Variants in LITAF observed in about 807,000 individuals in gnomAD.
The protein encoded by LITAF is lipopolysaccharide-induced tumor necrosis factor-alpha factor.
Under a neutral mutation model 14.5 loss-of-function variants are expected in LITAF, and 9 were observed. The observed-to-expected ratio is 0.62, with a 90% confidence interval of 0.37 to 1.08. LITAF has a LOEUF of 1.08. Among genes scored for constraint, LITAF ranks in the 50% least tolerant of loss-of-function variants. LITAF has a pLI of 0.01. For synonymous variants in LITAF, 98 were observed against 88.2 expected, an observed-to-expected ratio of 1.11 and a Z score of -0.62; for missense variants, 206 against 213.4, an observed-to-expected ratio of 0.97 and a Z score of 0.22.
chr16:11,560,272 G>T (rs2064340899), intron 1 of LITAF, among the ~76,000 whole-genome samples: 1 of 152,034 alleles, frequency 6.6e-6, no homozygotes. Flanking sequence ...ACTCTAGCCT[G>T]GGCAACAGAG....
rs139959574 is a variant in LITAF at position 11,605,134 on chromosome 16, C to CCTCTCT, written c.85+28393_85+28398dup. On this transcript the variant is annotated intron_variant, in intron 3 of 3. Coordinates refer to the LITAF transcript ENST00000574848. The surrounding 1 kb of genome is among the most constrained non-coding windows in gnomAD (Gnocchi z 4.7). The stretch of plus-strand genomic sequence containing the variant: ...TCCCAGGAACAGGAATGTGTCCTTT[C>CCTCTCT]CTCTCTCTCTCTCTCTCTCCACTGT... Among the ~76,000 whole-genome samples the CCTCTCT allele has an allele frequency of 2.7e-5, 4 of 150,074 alleles. No individual in the cohort carries two copies. The highest frequency in any genetic ancestry group is 4.9e-5 in the African/African-American group (2 of 40,974).
At chr16:11,568,066 T>C (rs1429552062) in intron 1 of LITAF, among the ~76,000 whole-genome samples, 1 of 151,926 alleles carries the variant, frequency 6.6e-6, no homozygotes, top group African/African-American at 2.4e-5. Flanking sequence ...GGCGGGAGGA[T>C]GGCATGAGCC....
At chr16:11,603,560 T>G (rs537319700) in intron 3 of LITAF, among the ~76,000 whole-genome samples, 2 of 152,356 alleles carry the variant, frequency 1.3e-5, no homozygotes, top group South Asian at 2.1e-4. Context: ...TGGGAATGGC[T>G]GGAAACGCCC....
At chr16:11,630,719 C>T (rs1030661606) in intron 3 of LITAF, among the ~76,000 whole-genome samples, 1 of 151,918 alleles carries the variant, frequency 6.6e-6, no homozygotes, top group African/African-American at 2.4e-5. Flanking sequence ...GCTGGGACTA[C>T]AGGCACCCAC....
chr16:11,555,844 C>G (rs78697788), intron 2 of LITAF, among the ~76,000 whole-genome samples: 2,106 of 152,224 alleles, frequency 0.014, 48 homozygotes, highest in African/African-American at 0.047. Context: ...TAACAACTCA[C>G]TGATATTTAT....
At position 11,632,902 on chromosome 16, in the gene LITAF, G is replaced by A. The variant is rs1217554141; in HGVS notation, c.85+631C>T. ...ACCCCACTCTGAGCCTCCTAGTGAAGGAAACAAAGGCCAGCTCTGAGGCCC... is the reference window on the plus strand; with the variant it reads ...ACCCCACTCTGAGCCTCCTAGTGAAAGAAACAAAGGCCAGCTCTGAGGCCC... On this transcript the variant is annotated intron_variant, in intron 3 of 3. Coordinates refer to the LITAF transcript ENST00000574848. This position sits in a 1 kb window ranked among gnomAD's most constrained non-coding sequence, Gnocchi z 4.8. Among the ~76,000 whole-genome samples the A allele has an allele frequency of 6.6e-6, 1 of 152,168 alleles. No homozygotes were observed. Among genetic ancestry groups the A allele is most frequent in the Non-Finnish European group, 1.5e-5 (1 of 68,026 alleles).
intron 1 of LITAF, among the ~76,000 whole-genome samples, chr16:11,559,247 C>T (rs185360482): frequency 6.6e-6 from 1 of 152,160 alleles, no homozygotes; most frequent in East Asian, 1.9e-4. Context: ...CAGAGCGACA[C>T]TCTATGTCTA....
intron 1 of LITAF, among the ~76,000 whole-genome samples, chr16:11,557,089 GT>G (rs1196548570): frequency 6.1e-5 from 3 of 49,426 alleles, no homozygotes; most frequent in Admixed American, 4.3e-4. Flanking sequence ...TTTTTTTGTG[GT>G]TTTTTTGGTT....
At position 11,605,709 on chromosome 16, in the gene LITAF, T is replaced by C. The variant is rs777884248; in HGVS notation, c.85+27824A>G. Among the ~76,000 whole-genome samples, 7 of 152,114 alleles carry C rather than the reference T, an allele frequency of 4.6e-5. No individual in the cohort carries two copies. The highest frequency in any genetic ancestry group is 6.6e-5 in the Admixed American group (1 of 15,262). ...GGAGGCCAGGAGTTCGAAGCTGCAGTGAGCTATGATTGCACCACTGCACTC... is the reference window on the plus strand; with the variant it reads ...GGAGGCCAGGAGTTCGAAGCTGCAGCGAGCTATGATTGCACCACTGCACTC... On this transcript the variant is annotated intron_variant, in intron 3 of 3. Transcript: ENST00000574848. The surrounding 1 kb of genome is among the most constrained non-coding windows in gnomAD (Gnocchi z 4.7).
intron 3 of LITAF, among the ~76,000 whole-genome samples, chr16:11,603,592 A>G (rs2064939557): frequency 6.6e-6 from 1 of 152,230 alleles, no homozygotes; most frequent in African/African-American, 2.4e-5. Flanking sequence ...GCTGCCTGGC[A>G]AGGTTTCCTA....
rs1330181521 is a variant in LITAF at position 11,549,478 on chromosome 16, T to C, written c.*159A>G. 1.5e-6 allele frequency: 1 copy of C among 681,794 alleles called. No homozygotes were observed. The highest frequency in any genetic ancestry group is 2.7e-6 in the Non-Finnish European group (1 of 372,134). The allele number at this position is 681,794 out of a possible 1,614,324, so 42.2% of individuals were successfully genotyped here. On this transcript the variant is annotated 3_prime_UTR_variant, in exon 4 of 4. Transcript: ENST00000622633. The surrounding 1 kb of genome is among the most constrained non-coding windows in gnomAD (Gnocchi z 4.6). ...GCAGCAATTTCTGGGGTTTGGAGAT[T>C]TGTTAGTTTTGCGACGTATTCCCCC...
At position 11,553,517 on chromosome 16, in the gene LITAF, T is replaced by G. The variant is rs1597329113; in HGVS notation, c.377+16A>C. The G allele has an allele frequency of 6.2e-7, 1 of 1,613,330 alleles. No individual in the cohort carries two copies. The highest frequency in any genetic ancestry group is 1.1e-5 in the South Asian group (1 of 91,044). On this transcript the variant is annotated intron_variant, in intron 3 of 3. Coordinates refer to ENST00000622633, the MANE Select transcript of LITAF (RefSeq NM_001136472.2). This position sits in a 1 kb window ranked among gnomAD's most constrained non-coding sequence, Gnocchi z 7.7. The stretch of plus-strand genomic sequence containing the variant: ...AAGGGCAGGATGGCTTGGGGCCAAG[T>G]GGGAGGCAGACTCACCCCAGCAGGC...
chr16:11,583,693 T>C (rs911317532), intron 1 of LITAF, among the ~76,000 whole-genome samples: 1 of 152,170 alleles, frequency 6.6e-6, no homozygotes, highest in Admixed American at 6.5e-5. Context: ...AGGCAAGACA[T>C]CATTAAGCTC....
At chr16:11,594,649 G>T (rs1303636650) in intron 1 of LITAF, among the ~76,000 whole-genome samples, 3 of 152,184 alleles carry the variant, frequency 2.0e-5, no homozygotes, top group Non-Finnish European at 4.4e-5. Context: ...GCTGAGGCAG[G>T]TGGATCGCTT....
chr16:11,570,451 C>T (rs940186871), intron 1 of LITAF, among the ~76,000 whole-genome samples: 1 of 152,194 alleles, frequency 6.6e-6, no homozygotes, highest in Non-Finnish European at 1.5e-5. Context: ...CACGGCTTCA[C>T]AGGTAGACAT....
chr16:11,629,476 G>T (rs1244583956), intron 3 of LITAF, among the ~76,000 whole-genome samples: 1 of 152,108 alleles, frequency 6.6e-6, no homozygotes, highest in Non-Finnish European at 1.5e-5. Flanking sequence ...GTCCCACCAG[G>T]AGGCAAGGGG....
At chr16:11,594,968 A>T (rs1347467730) in intron 1 of LITAF, among the ~76,000 whole-genome samples, 2 of 152,208 alleles carry the variant, frequency 1.3e-5, no homozygotes, top group African/African-American at 4.8e-5. Flanking sequence ...TGATGTAATT[A>T]GGGAATTTTT....
chr16:11,564,801 A>AG (rs966142147), intron 1 of LITAF, among the ~76,000 whole-genome samples: 5 of 152,194 alleles, frequency 3.3e-5, no homozygotes, highest in African/African-American at 1.2e-4. Flanking sequence ...AAAAGGCTAC[A>AG]GATCAAATGA....
At chr16:11,567,840 C>T (rs548410912) in intron 1 of LITAF, among the ~76,000 whole-genome samples, 2 of 152,286 alleles carry the variant, frequency 1.3e-5, no homozygotes, top group East Asian at 3.9e-4. Flanking sequence ...AAAAATTAGC[C>T]AGGCGTGGTG....
Sources: gnomAD v4.1 joint callset for allele counts (sites outside exome capture counted in the v4.1 genomes callset) on GRCh38, gnomAD v4.1.1 for gene constraint, Gnocchi (gnomAD v3.1) non-coding constraint, MANE v1.5 for transcripts, NCBI Gene and HGNC (gene_info 2026-07-23, HGNC 2026-07-21) for gene names.